AAR2: variants seen among roughly 807,000 people sequenced by gnomAD.
AAR2 encodes protein AAR2 homolog.
In AAR2, 31 loss-of-function variants were observed where a neutral mutation model predicts 26.9. The ratio of observed to expected loss-of-function variants is 1.15; its 90% confidence interval spans 0.86 to 1.55. The LOEUF is 1.55. Among genes scored for constraint, AAR2 ranks in the 40% most tolerant of loss-of-function variants. The pLI, the probability that AAR2 is intolerant of heterozygous loss-of-function variation, is 0.00. For missense variants in AAR2, 430 were observed against 491.3 expected (o/e 0.88, Z 1.18); for synonymous variants, 188 against 196.1 (o/e 0.96, Z 0.34).
intron 2 of AAR2, among the ~76,000 whole-genome samples, chr20:36,242,401 TTGTTGTTGA>T (rs1480575027): frequency 5.4e-5 from 8 of 147,242 alleles, no homozygotes; most frequent in Non-Finnish European, 2.9e-5. Context: ...GTTGTTGTTG[TTGTTGTTGA>T]GACGGAGTCT....
chr20:36,237,985 A>G (rs936224887), intron 1 of AAR2, among the ~76,000 whole-genome samples: 6 of 151,808 alleles, frequency 4.0e-5, no homozygotes, highest in South Asian at 4.2e-4. Context: ...GGGGTTTCAC[A>G]GTATTGGCCA....
At chr20:36,239,421 G>A (rs1466258624) in intron 1 of AAR2, among the ~76,000 whole-genome samples, 1 of 152,216 alleles carries the variant, frequency 6.6e-6, no homozygotes, top group Admixed American at 6.5e-5. Flanking sequence ...TAGGCATATA[G>A]TTTAGAGTGA....
rs1419692868 is a variant in AAR2, at chr20:36,256,635, AATCTTC to A, written c.*891_*896del. The A allele has an allele frequency of 6.6e-6, 1 of 152,220 alleles. No homozygotes were observed. Among genetic ancestry groups the A allele is most frequent in the African/African-American group, 2.4e-5 (1 of 41,434 alleles). The allele number at this position is 152,220 out of a possible 1,614,324, so 9.4% of individuals were successfully genotyped here. A position where few individuals can be genotyped will look rare whatever the true frequency, so the allele number is the denominator to read the frequency against. ...TGCTGAAGAAGACCTGGTCAGCCTA[AATCTTC>A]CCAGTCCCGCTGTGGAGCTGTCAGT... On this transcript the variant is annotated 3_prime_UTR_variant, in exon 4 of 4. Transcript: ENST00000320849.
rs79957201 is a variant in AAR2 at position 36,256,319 on chromosome 20, A to G, written c.*574A>G. The G allele has an allele frequency of 8.2e-3, 1,249 of 152,620 alleles. 30 individuals carry two copies. The highest frequency in any genetic ancestry group is 0.054 in the East Asian group (278 of 5,176). 9.5% of individuals were successfully genotyped at this position (152,620 alleles called of 1,614,324 possible). ...AGTTTCAAGGGAGGCAGCTGGATTC[A>G]ATCTAGCAGGTGGTCAGCTTCAGCT... is the stretch of plus-strand genomic sequence containing the variant. On this transcript the variant is annotated 3_prime_UTR_variant, in exon 4 of 4. Transcript: ENST00000320849.
intron 2 of AAR2, 101 bp from the exon 3 acceptor site, chr20:36,244,596 T>A (rs972925602): frequency 8.8e-7 from 1 of 1,137,196 alleles, no homozygotes; most frequent in Non-Finnish European, 1.3e-6. Context: ...GCTCATCTGT[T>A]GCTGAGGTCC....
chr20:36,241,192 A>G (rs946727842), intron 2 of AAR2, among the ~76,000 whole-genome samples: 2 of 152,222 alleles, frequency 1.3e-5, no homozygotes, highest in Non-Finnish European at 2.9e-5. Flanking sequence ...ATAACCATTT[A>G]AACAGTTTGG....
rs556654560 is a variant in AAR2 at position 36,243,411 on chromosome 20, G to A, written c.758-1286G>A. On this transcript the variant is annotated intron_variant, in intron 2 of 3. Coordinates refer to ENST00000320849, the MANE Select transcript of AAR2 (RefSeq NM_001271874.2). ...ATTCACACAAATCAAACTTAGTTCC[G>A]TATGCTTAGGAACAGGGAGCTAGTT... Among the ~76,000 whole-genome samples the A allele has an allele frequency of 1.8e-4, 28 of 152,286 alleles. No homozygotes were observed. In the South Asian group the frequency reaches 5.2e-3, roughly 28 times the overall value.
At chr20:36,247,528 T>G (rs1331703521) in intron 3 of AAR2, among the ~76,000 whole-genome samples, 1 of 152,170 alleles carries the variant, frequency 6.6e-6, no homozygotes, top group African/African-American at 2.4e-5. Flanking sequence ...CTTTGCAGGT[T>G]CCTGGACAGG....
chr20:36,247,524 A>G (rs2064745556), intron 3 of AAR2, among the ~76,000 whole-genome samples: 1 of 152,088 alleles, frequency 6.6e-6, no homozygotes. Context: ...GTCTCTTTGC[A>G]GGTTCCTGGA....
chr20:36,249,039 G>A (rs1344631986), intron 3 of AAR2, among the ~76,000 whole-genome samples: 2 of 152,192 alleles, frequency 1.3e-5, no homozygotes, highest in Non-Finnish European at 2.9e-5. Context: ...AGGTAGTCAA[G>A]TAAGTGGAAC....
intron 3 of AAR2, 99 bp downstream of exon 3, chr20:36,245,025 T>C: frequency 1.8e-6 from 2 of 1,131,796 alleles, no homozygotes; most frequent in Non-Finnish European, 2.6e-6. Context: ...CCCCAAAATT[T>C]TTAAATTTCA....
At chr20:36,243,578 C>T (rs2064704755) in intron 2 of AAR2, among the ~76,000 whole-genome samples, 1 of 152,130 alleles carries the variant, frequency 6.6e-6, no homozygotes, top group Non-Finnish European at 1.5e-5. Context: ...AGAGAGAATG[C>T]CTGTGATGAG....
rs1274453020 is a variant in AAR2, at chr20:36,244,767, G to T, written c.828G>T (p.Arg276=). Residue 276 remains arginine (R), a synonymous_variant, in exon 3 of 4, where the codon CGG becomes CGT. Coordinates refer to ENST00000320849, the MANE Select transcript of AAR2 (RefSeq NM_001271874.2). ...ACGAGGCATTTGAGCATTGGAAGCGGCTCCTGAACCTCCTGTGCCGGTCAG... is the reference window on the plus strand; with the variant it reads ...ACGAGGCATTTGAGCATTGGAAGCGTCTCCTGAACCTCCTGTGCCGGTCAG... ...NVYEAFEHWK[R]LLNLLCRSEA... The T allele has an allele frequency of 1.7e-5, 27 of 1,614,178 alleles. No individual in the cohort carries two copies. The highest frequency in any genetic ancestry group is 2.0e-5 in the Non-Finnish European group (24 of 1,180,034).
Position 36,255,952 on chromosome 20 carries a change from G to T in AAR2, c.*207G>T. 1 of 678,334 alleles carries T rather than the reference G, an allele frequency of 1.5e-6. No individual in the cohort carries two copies. The highest frequency in any genetic ancestry group is 2.4e-6 in the Non-Finnish European group (1 of 423,066). The allele number at this position is 678,334 out of a possible 1,614,324, so 42.0% of individuals were successfully genotyped here. A position where few individuals can be genotyped will look rare whatever the true frequency, so the allele number is the denominator to read the frequency against. ...ACCCATCCTGAAGGCACATTTGTGG[G>T]TTCCCCATCAGCCAGGCCTTGGTGC... is the stretch of plus-strand genomic sequence containing the variant. On this transcript the variant is annotated 3_prime_UTR_variant, in exon 4 of 4. Coordinates refer to ENST00000320849, the MANE Select transcript of AAR2 (RefSeq NM_001271874.2).
intron 3 of AAR2, among the ~76,000 whole-genome samples, chr20:36,252,735 AG>A (rs1273757724): frequency 2.0e-5 from 3 of 152,176 alleles, no homozygotes; most frequent in Non-Finnish European, 1.5e-5. Flanking sequence ...CATGTAAGGA[AG>A]GGAAACAGGA....
chr20:36,239,979 C>T lies in AAR2; in HGVS notation c.111C>T (p.Asn37=). The T allele has an allele frequency of 1.2e-6, 2 of 1,614,250 alleles. No individual in the cohort carries two copies. The highest frequency in any genetic ancestry group is 2.2e-5 in the East Asian group (1 of 44,886). Residue 37 remains asparagine (N), a synonymous_variant, in exon 2 of 4, where the codon AAC becomes AAT. Coordinates refer to ENST00000320849, the MANE Select transcript of AAR2 (RefSeq NM_001271874.2). The part of the protein sequence containing the change: ...PKGTEFGIDY[N]SWEVGPKFRG... ...GAACAGAGTTTGGGATTGACTATAA[C>T]TCCTGGGAGGTCGGGCCCAAGTTCC...
chr20:36,255,223 A>C (rs2064809678), intron 3 of AAR2, among the ~76,000 whole-genome samples: 1 of 152,234 alleles, frequency 6.6e-6, no homozygotes, highest in African/African-American at 2.4e-5. Context: ...CCAGGGGCTT[A>C]TAAGCACCCC....
chr20:36,238,039 C>T (rs188165171), intron 1 of AAR2, among the ~76,000 whole-genome samples: 3 of 152,164 alleles, frequency 2.0e-5, no homozygotes, highest in African/African-American at 7.2e-5. Context: ...CCGCCTCGGC[C>T]TCCCAAAGTG....
intron 1 of AAR2, among the ~76,000 whole-genome samples, chr20:36,238,279 G>T (rs561378750): frequency 6.6e-6 from 1 of 152,244 alleles, no homozygotes; most frequent in Admixed American, 6.5e-5. Context: ...AATAATGCTG[G>T]TTGAGACCTT....
Sources: gnomAD v4.1 joint callset for allele counts (sites outside exome capture counted in the v4.1 genomes callset) on GRCh38, gnomAD v4.1.1 for gene constraint, MANE v1.5 for transcripts, NCBI Gene and HGNC (gene_info 2026-07-23, HGNC 2026-07-21) for gene names.